Variants in CAMSAP2 observed in about 807,000 individuals in gnomAD.
CAMSAP2 encodes the protein calmodulin-regulated spectrin-associated protein 2.
A neutral mutation model predicts 146.1 loss-of-function variants in CAMSAP2; 26 were observed. The ratio of observed to expected loss-of-function variants is 0.18; its 90% CI spans 0.13 to 0.25. CAMSAP2 has a LOEUF of 0.25. CAMSAP2 is among the 10% of genes least tolerant of loss of function. The pLI is 1.00. For missense variants in CAMSAP2, 1,381 were observed against 1,759.3 expected (o/e 0.78, Z 3.85); for synonymous variants, 499 against 596.6 (o/e 0.84, Z 2.38).
intron 11 of CAMSAP2, among the ~76,000 whole-genome samples, chr1:200,850,864 G>A (rs996812871): frequency 3.3e-5 from 5 of 152,124 alleles, no homozygotes; most frequent in Non-Finnish European, 7.4e-5. Context: ...CTCCAATTGA[G>A]TCTCTTTCTA....
At chr1:200,761,166 T>G in intron 2 of CAMSAP2, 68 bp downstream of exon 2, 3 of 1,381,760 alleles carry the variant, frequency 2.2e-6, no homozygotes, top group Non-Finnish European at 3.0e-6. Flanking sequence ...AATGATATAC[T>G]GTAAAACAGA....
At chr1:200,760,066 C>T (rs894633023) in intron 1 of CAMSAP2, among the ~76,000 whole-genome samples, 4 of 152,114 alleles carry the variant, frequency 2.6e-5, no homozygotes, top group African/African-American at 9.7e-5. Flanking sequence ...AGGGTAGTGG[C>T]TAGCAGGAAA....
intron 1 of CAMSAP2, among the ~76,000 whole-genome samples, chr1:200,744,426 A>G (rs761673914): frequency 1.3e-5 from 2 of 152,230 alleles, no homozygotes; most frequent in Non-Finnish European, 2.9e-5. Flanking sequence ...TGCCATTGAC[A>G]GAGAAGAAAG....
At chr1:200,756,638 A>T (rs1258318626) in intron 1 of CAMSAP2, among the ~76,000 whole-genome samples, 1 of 152,146 alleles carries the variant, frequency 6.6e-6, no homozygotes, top group East Asian at 1.9e-4. Context: ...GCTGTCACAG[A>T]AATTAAGTGT....
chr1:200,852,597 A>G lies in CAMSAP2; in HGVS notation c.3522A>G (p.Lys1174=). ...TGAAACGGGCAGCTTTGTTGGAGAA[A>G]AGATTAAGAAGGGAAAAGGAAACTC... ...MAMKRAALLE[K]RLRREKETQL... is the part of the protein sequence containing the mutation. Residue 1174 remains lysine (K), a synonymous_variant, in exon 12 of 17, where the codon AAA becomes AAG. Transcript: ENST00000358823. The G allele has an allele frequency of 6.2e-7, 1 of 1,613,914 alleles. No individual in the cohort carries two copies. Among genetic ancestry groups the G allele is most frequent in the Non-Finnish European group, 8.5e-7 (1 of 1,179,930 alleles).
intron 1 of CAMSAP2, among the ~76,000 whole-genome samples, chr1:200,759,189 CT>C (rs1457426605): frequency 6.6e-6 from 1 of 151,084 alleles, no homozygotes; most frequent in African/African-American, 2.4e-5. Flanking sequence ...CTCTTCACAT[CT>C]TTTTTCCCTA....
chr1:200,832,434 G>GT lies in CAMSAP2; in HGVS notation c.787+94dup. On this transcript the variant is annotated intron_variant, in intron 5 of 16. Coordinates refer to ENST00000358823, the MANE Select transcript of CAMSAP2 (RefSeq NM_203459.4). This position sits in a 1 kb window ranked among gnomAD's most constrained non-coding sequence, Gnocchi z 4.2. Reference sequence around the variant, plus strand: ...TTTGCACTCCAGCCTAGGTGACTGAGTGGGACCCTGTCTCAAAAAAAAGAC... The same window carrying GT: ...TTTGCACTCCAGCCTAGGTGACTGAGTTGGGACCCTGTCTCAAAAAAAAGAC... 2.5e-6 allele frequency: 3 copies of GT among 1,189,198 alleles called. No homozygotes were observed. The East Asian group carries it at 7.7e-5, about 31-fold the overall frequency. The allele number at this position is 1,189,198 out of a possible 1,614,324, so 73.7% of individuals were successfully genotyped here.
At position 200,828,605 on chromosome 1, in the gene CAMSAP2, A is replaced by G. The variant is rs973853568; in HGVS notation, c.646-3595A>G. 6 of 1,549,882 alleles carry G rather than the reference A, an allele frequency of 3.9e-6. No individual in the cohort carries two copies. The Admixed American group carries it at 5.9e-5, about 15-fold the overall frequency. On this transcript the variant is annotated intron_variant, in intron 4 of 16. Transcript: ENST00000358823. Reference sequence around the variant, plus strand: ...CCAAATGGTTTTGGAAACTGGTTCCAGTAAGTTTGCTCAGCTACTTCAGTT... The same window carrying G: ...CCAAATGGTTTTGGAAACTGGTTCCGGTAAGTTTGCTCAGCTACTTCAGTT...
intron 6 of CAMSAP2, among the ~76,000 whole-genome samples, chr1:200,838,839 A>G (rs1667246856): frequency 6.6e-6 from 1 of 152,234 alleles, no homozygotes; most frequent in Non-Finnish European, 1.5e-5. Context: ...GATGGAGAGA[A>G]GTTGGTGAAT....
rs567250886 is a variant in CAMSAP2, at chr1:200,831,187, T to TAC, written c.646-1011_646-1010dup. 3.8e-4 allele frequency among the ~76,000 whole-genome samples: 58 copies of TAC among 152,324 alleles called. 1 individual carries two copies. The East Asian group carries it at 8.5e-3, about 22-fold the overall frequency. On this transcript the variant is annotated intron_variant, in intron 4 of 16. Transcript: ENST00000358823. ...TTTGCTAGCAAAATACTTTCGTGTG[T>TAC]ACATTCACTAAATCTTCAGCATTAT...
chr1:200,785,814 A>G (rs1403000473), intron 2 of CAMSAP2, among the ~76,000 whole-genome samples: 1 of 152,080 alleles, frequency 6.6e-6, no homozygotes, highest in Non-Finnish European at 1.5e-5. Context: ...CAGCTTCCCA[A>G]GTAGCTGAGA....
intron 1 of CAMSAP2, among the ~76,000 whole-genome samples, chr1:200,751,662 C>T (rs1664511580): frequency 6.6e-6 from 1 of 151,466 alleles, no homozygotes; most frequent in Non-Finnish European, 1.5e-5. Context: ...ACCCTAGGAG[C>T]AATGGAAGGT....
Position 200,857,539 on chromosome 1 carries a change from C to A in CAMSAP2, c.4131+115C>A. On this transcript the variant is annotated intron_variant, in intron 16 of 16. Transcript: ENST00000358823. This position sits in a 1 kb window ranked among gnomAD's most constrained non-coding sequence, Gnocchi z 4.7. ...CAACAGCATGTAAAAAGATCTGTAG[C>A]TAGATGTTTTAATTATCAGATTTAG... The A allele has an allele frequency of 3.7e-6, 3 of 817,878 alleles. No individual in the cohort carries two copies. The highest frequency in any genetic ancestry group is 3.9e-6 in the Non-Finnish European group (2 of 510,842). The allele number at this position is 817,878 out of a possible 1,614,324, so 50.7% of individuals were successfully genotyped here. A position where few individuals can be genotyped will look rare whatever the true frequency, so the allele number is the denominator to read the frequency against.
intron 2 of CAMSAP2, among the ~76,000 whole-genome samples, chr1:200,805,890 T>C (rs1349717221): frequency 1.3e-5 from 2 of 152,130 alleles, no homozygotes; most frequent in Non-Finnish European, 2.9e-5. Flanking sequence ...ATGTAGAAAA[T>C]GAGGTAGACT....
chr1:200,795,096 C>G (rs1665850462), intron 2 of CAMSAP2, among the ~76,000 whole-genome samples: 1 of 152,148 alleles, frequency 6.6e-6, no homozygotes, highest in Non-Finnish European at 1.5e-5. Context: ...ATGGTCTTTG[C>G]TAACCTATGC....
intron 8 of CAMSAP2, among the ~76,000 whole-genome samples, chr1:200,846,008 A>T (rs182436180): frequency 5.9e-5 from 9 of 152,314 alleles, no homozygotes; most frequent in African/African-American, 1.9e-4. Context: ...AGAACCTACA[A>T]TTTATATTGA....
At chr1:200,741,623 T>C (rs144744085) in intron 1 of CAMSAP2, among the ~76,000 whole-genome samples, 126 of 152,364 alleles carry the variant, frequency 8.3e-4, no homozygotes, top group African/African-American at 2.6e-3. Flanking sequence ...AGGATACTTA[T>C]AGGATACAGA....
At chr1:200,836,697 C>T (rs895907968) in intron 6 of CAMSAP2, among the ~76,000 whole-genome samples, 17 of 152,296 alleles carry the variant, frequency 1.1e-4, no homozygotes, top group African/African-American at 4.1e-4. Flanking sequence ...AACTAGTTTA[C>T]ACTCCTACCA....
At chr1:200,766,965 ATGAC>A (rs1448904762) in intron 2 of CAMSAP2, among the ~76,000 whole-genome samples, 1 of 152,214 alleles carries the variant, frequency 6.6e-6, no homozygotes, top group Non-Finnish European at 1.5e-5. Flanking sequence ...GTTAAGTAGA[ATGAC>A]TGCTGACAGG....
Sources: gnomAD v4.1 joint callset for allele counts (sites outside exome capture counted in the v4.1 genomes callset) on GRCh38, gnomAD v4.1.1 for gene constraint, Gnocchi (gnomAD v3.1) non-coding constraint, MANE v1.5 for transcripts, NCBI Gene and HGNC (gene_info 2026-07-23, HGNC 2026-07-21) for gene names.